Variants in MYO18B observed in about 807,000 individuals in gnomAD.
The protein encoded by MYO18B is myosin XVIIIB, also known as unconventional myosin-XVIIIb.
A neutral mutation model predicts 273.0 loss-of-function variants in MYO18B; 204 were observed. The observed-to-expected ratio is 0.75, with a 90% CI of 0.67 to 0.84. The LOEUF (loss-of-function observed/expected upper bound fraction) is 0.84, where lower values mean the gene tolerates loss of function less well. Ranked by LOEUF, MYO18B falls within the 40% of genes least tolerant of loss-of-function variation. The pLI is 0.00. For synonymous variants in MYO18B, 1,330 were observed against 1,305.7 expected (o/e 1.02, Z -0.40); for missense variants, 3,212 against 3,287.6 (o/e 0.98, Z 0.56).
At chr22:25,748,801 A>C (rs2085855823) in intron 1 of MYO18B, among the ~76,000 whole-genome samples, 1 of 152,066 alleles carries the variant, frequency 6.6e-6, no homozygotes, top group Non-Finnish European at 1.5e-5. Flanking sequence ...CACGGTCTGA[A>C]TCCCTGGCTA....
At chr22:26,005,483 A>G (rs1934347165) in intron 42 of MYO18B, among the ~76,000 whole-genome samples, 1 of 152,186 alleles carries the variant, frequency 6.6e-6, no homozygotes, top group Non-Finnish European at 1.5e-5. Flanking sequence ...ACCGCCTCCA[A>G]TAAATGGGCC....
At chr22:25,997,186 G>T (rs1021259131) in intron 40 of MYO18B, among the ~76,000 whole-genome samples, 1 of 151,662 alleles carries the variant, frequency 6.6e-6, no homozygotes, top group African/African-American at 2.4e-5. Context: ...AGCCGGGCTT[G>T]GTGGTGCACT....
chr22:25,868,640 G>A (rs2090960092), intron 22 of MYO18B, among the ~76,000 whole-genome samples: 1 of 152,150 alleles, frequency 6.6e-6, no homozygotes, highest in Admixed American at 6.5e-5. Flanking sequence ...GTGGTTTGGA[G>A]GAATTAGCAT....
intron 42 of MYO18B, among the ~76,000 whole-genome samples, chr22:26,022,575 G>A (rs73404472): frequency 0.08 from 12,153 of 152,178 alleles, 553 homozygotes; most frequent in African/African-American, 0.12. Context: ...GCACTTGGCC[G>A]TGCTTCTTGC....
chr22:25,976,706 C>G (rs1408651781), intron 39 of MYO18B, among the ~76,000 whole-genome samples: 2 of 152,062 alleles, frequency 1.3e-5, no homozygotes, highest in African/African-American at 4.8e-5. Context: ...TGGCATTGAT[C>G]ACCAGCACCA....
At chr22:25,884,525 A>G (rs1396276223) in intron 25 of MYO18B, among the ~76,000 whole-genome samples, 1 of 152,202 alleles carries the variant, frequency 6.6e-6, no homozygotes. Flanking sequence ...CATGGTGGTC[A>G]TATTCATAGA....
intron 1 of MYO18B, among the ~76,000 whole-genome samples, chr22:25,752,852 G>A (rs1287116328): frequency 1.3e-5 from 2 of 152,176 alleles, no homozygotes; most frequent in East Asian, 3.9e-4. Flanking sequence ...GGCGGGAACC[G>A]GGGCCAGTGC....
chr22:25,944,476 C>T (rs747947099), intron 34 of MYO18B, among the ~76,000 whole-genome samples: 14 of 152,130 alleles, frequency 9.2e-5, no homozygotes, highest in Non-Finnish European at 2.1e-4. Flanking sequence ...ATAAGAGGGC[C>T]AACGGGACTT....
At chr22:26,002,575 C>G (rs1032378540) in intron 40 of MYO18B, among the ~76,000 whole-genome samples, 2 of 152,092 alleles carry the variant, frequency 1.3e-5, no homozygotes, top group African/African-American at 4.8e-5. Context: ...CCTGATGATC[C>G]AGATTAAAAT....
intron 39 of MYO18B, among the ~76,000 whole-genome samples, chr22:25,967,261 T>G (rs921692774): frequency 1.3e-5 from 2 of 152,190 alleles, no homozygotes; most frequent in Admixed American, 6.5e-5. Context: ...GTATATTAAA[T>G]TATTCAAATA....
At chr22:25,755,087 C>G (rs1284462757) in intron 1 of MYO18B, among the ~76,000 whole-genome samples, 1 of 152,190 alleles carries the variant, frequency 6.6e-6, no homozygotes, top group Non-Finnish European at 1.5e-5. Flanking sequence ...TCGGGGGCCT[C>G]GCCAGTGTCT....
At chr22:25,952,198 T>C in intron 37 of MYO18B, 88 bp from the exon 38 acceptor site, 9 of 1,455,648 alleles carry the variant, frequency 6.2e-6, no homozygotes, top group Non-Finnish European at 8.4e-6. Context: ...GAATAGCTCC[T>C]CCCACCCTCC....
intron 34 of MYO18B, among the ~76,000 whole-genome samples, chr22:25,935,946 G>A (rs935285957): frequency 2.0e-5 from 3 of 152,168 alleles, no homozygotes; most frequent in African/African-American, 4.8e-5. Flanking sequence ...CTCACCCTGC[G>A]GGTTCACTGA....
At chr22:25,841,897 G>A (rs2090093053) in intron 17 of MYO18B, among the ~76,000 whole-genome samples, 1 of 152,238 alleles carries the variant, frequency 6.6e-6, no homozygotes, top group Admixed American at 6.5e-5. Context: ...AAAGCCTGGT[G>A]TGTGCTTTGT....
chr22:25,968,406 C>T (rs2093001889), intron 39 of MYO18B, among the ~76,000 whole-genome samples: 1 of 152,154 alleles, frequency 6.6e-6, no homozygotes, highest in South Asian at 2.1e-4. Context: ...TCCAAAAAGG[C>T]AAAGCCTTTG....
Position 25,993,153 on chromosome 22 carries a change from A to G in MYO18B, c.6287+660A>G, listed in dbSNP as rs5997014. 3.8e-3 allele frequency among the ~76,000 whole-genome samples: 575 copies of G among 152,200 alleles called. 4 individuals carry two copies. Among genetic ancestry groups the G allele is most frequent in the African/African-American group, 0.013 (546 of 41,524 alleles). On this transcript the variant is annotated intron_variant, in intron 40 of 43. Coordinates refer to ENST00000335473, the MANE Select transcript of MYO18B (RefSeq NM_032608.7). ...ACCATCTCTGCTTGAATCTCAAGCT[A>G]CTGCAGGCCACAGGTGGACCGCTCA...
chr22:25,886,282 G>A (rs113309520), intron 25 of MYO18B, among the ~76,000 whole-genome samples: 1 of 152,328 alleles, frequency 6.6e-6, no homozygotes. Context: ...GCAGAGGGCT[G>A]GAACTGGTGT....
chr22:25,943,179 C>T (rs1255446417), intron 34 of MYO18B, among the ~76,000 whole-genome samples: 1 of 152,138 alleles, frequency 6.6e-6, no homozygotes, highest in African/African-American at 2.4e-5. Context: ...CGTGAGGCCT[C>T]CTCTTCCACC....
intron 15 of MYO18B, among the ~76,000 whole-genome samples, chr22:25,829,654 C>T (rs1008025631): frequency 6.6e-6 from 1 of 151,918 alleles, no homozygotes; most frequent in Non-Finnish European, 1.5e-5. Context: ...GCCTGACCAA[C>T]GTGGCAAACC....
Sources: gnomAD v4.1 joint callset for allele counts (sites outside exome capture counted in the v4.1 genomes callset) on GRCh38, gnomAD v4.1.1 for gene constraint, MANE v1.5 for transcripts, NCBI Gene and HGNC (gene_info 2026-07-23, HGNC 2026-07-21) for gene names.